Variants in SFMBT1 observed in about 807,000 individuals in gnomAD.
The protein encoded by SFMBT1 is scm-like with four MBT domains protein 1.
SFMBT1 carries 32 observed loss-of-function variants against 108.7 expected under a neutral mutation model. That is an observed-to-expected ratio of 0.29 (90% CI 0.22 to 0.40). The LOEUF is 0.40. Ranked by LOEUF, SFMBT1 falls within the 10% of genes least tolerant of loss-of-function variation. The probability of loss-of-function intolerance (pLI) is 1.00; values close to 1 mark genes in which losing one functional copy is unlikely to be tolerated. For synonymous variants in SFMBT1, 348 were observed against 369.5 expected (o/e 0.94, Z 0.67); for missense variants, 816 against 1,059.6 (o/e 0.77, Z 3.19).
intron 1 of SFMBT1, among the ~76,000 whole-genome samples, chr3:52,997,060 C>T (rs1389551859): frequency 6.9e-6 from 1 of 144,988 alleles, no homozygotes; most frequent in Non-Finnish European, 1.5e-5. Flanking sequence ...CTGAGCGAGA[C>T]TCAGTCTCAA....
chr3:53,002,819 T>C (rs28567057), intron 1 of SFMBT1, among the ~76,000 whole-genome samples: 5,068 of 150,476 alleles, frequency 0.034, 351 homozygotes, highest in African/African-American at 0.11. Flanking sequence ...TGAGAAAATA[T>C]AATGTAAGTT....
At chr3:52,916,289 A>T in intron 13 of SFMBT1, 75 bp from the exon 14 acceptor site, 3 of 1,389,032 alleles carry the variant, frequency 2.2e-6, no homozygotes, top group Non-Finnish European at 1.0e-6. Flanking sequence ...GTTTCCTTCA[A>T]ATCTAAGAAG....
rs146141845 is a variant in SFMBT1 at position 52,956,242 on chromosome 3, A to G, written c.29-1831T>C. 2.9e-3 allele frequency among the ~76,000 whole-genome samples: 449 copies of G among 152,326 alleles called. 1 individual carries two copies. The highest frequency in any genetic ancestry group is 0.01 in the African/African-American group (432 of 41,580). On this transcript the variant is annotated intron_variant, in intron 2 of 20. Transcript: ENST00000394752. The stretch of plus-strand genomic sequence containing the variant: ...TGTGGGAGACCGCGGCAGGCAGATC[A>G]CGAGGTCAAGAGATGGAGACCATCC...
At chr3:53,017,338 C>T (rs1302853104) in intron 1 of SFMBT1, among the ~76,000 whole-genome samples, 1 of 152,154 alleles carries the variant, frequency 6.6e-6, no homozygotes, top group Non-Finnish European at 1.5e-5. Context: ...CTCTCCAGGT[C>T]CACTAGTATA....
At chr3:52,920,447 C>G (rs952825092) in intron 12 of SFMBT1, 90 bp downstream of exon 12, 1 of 880,138 alleles carries the variant, frequency 1.1e-6, no homozygotes, top group African/African-American at 1.7e-5. Flanking sequence ...CATTTTTTTT[C>G]TCTGAAATGT....
Position 52,996,167 on chromosome 3 carries a change from T to C in SFMBT1, c.-130-26909A>G, listed in dbSNP as rs907084915. Among the ~76,000 whole-genome samples the C allele has an allele frequency of 1.4e-5, 2 of 147,792 alleles. 1 individual carries two copies. The highest frequency in any genetic ancestry group is 4.0e-4 in the East Asian group (2 of 5,062). On this transcript the variant is annotated intron_variant, in intron 1 of 20. Coordinates refer to ENST00000394752, the MANE Select transcript of SFMBT1 (RefSeq NM_016329.4). ...ATTTTTTTGCAAAACATATACCTAA[T>C]ATGGATTTATATCAAAAAGCTCTTA...
Position 52,911,040 on chromosome 3 carries a change from A to G in SFMBT1, c.1869T>C (p.Cys623=), listed in dbSNP as rs767441799. ...TTGTAAGTACAGAACAGTTCTCAGA[A>G]CACTTATCCAGAACCATCCGTGGAC... The part of the protein sequence containing the change: ...LFGPRMVLDK[C]SENCSVLTKT... The change falls in exon 17 of 21, where the codon TGT becomes TGC. Residue 623 remains cysteine, a synonymous_variant. Coordinates refer to ENST00000394752, the MANE Select transcript of SFMBT1 (RefSeq NM_016329.4). 6.2e-7 allele frequency: 1 copy of G among 1,614,188 alleles called. No individual in the cohort carries two copies. The highest frequency in any genetic ancestry group is 8.5e-7 in the Non-Finnish European group (1 of 1,180,020).
At chr3:52,918,402 A>C in intron 13 of SFMBT1, 82 bp downstream of exon 13, 1 of 1,117,910 alleles carries the variant, frequency 8.9e-7, no homozygotes, top group Middle Eastern at 2.5e-4. Flanking sequence ...CCATCTGAGA[A>C]AATGAGGAAA....
chr3:52,999,365 G>A (rs913716626), intron 1 of SFMBT1, among the ~76,000 whole-genome samples: 3 of 150,444 alleles, frequency 2.0e-5, no homozygotes, highest in Middle Eastern at 3.2e-3. Context: ...CCAGGCCTGC[G>A]GGGAGGAGCC....
chr3:52,982,630 A>G (rs1329270164), intron 1 of SFMBT1, among the ~76,000 whole-genome samples: 10 of 149,824 alleles, frequency 6.7e-5, no homozygotes, highest in African/African-American at 2.4e-4. Context: ...TCAGGAGGCT[A>G]AGGCAGGAGA....
At chr3:53,024,232 G>A (rs1366999887) in intron 1 of SFMBT1, among the ~76,000 whole-genome samples, 1 of 152,178 alleles carries the variant, frequency 6.6e-6, no homozygotes, top group Non-Finnish European at 1.5e-5. Flanking sequence ...TCCAAGTCTG[G>A]AGGTGGGTGG....
At chr3:53,024,813 A>C (rs1407427141) in intron 1 of SFMBT1, among the ~76,000 whole-genome samples, 1 of 152,232 alleles carries the variant, frequency 6.6e-6, no homozygotes, top group African/African-American at 2.4e-5. Context: ...ACCAGGTGTA[A>C]GAATATAACG....
chr3:52,955,977 T>G (rs1463392822), intron 2 of SFMBT1, among the ~76,000 whole-genome samples: 1 of 152,202 alleles, frequency 6.6e-6, no homozygotes, highest in Non-Finnish European at 1.5e-5. Context: ...GCAAACAGAA[T>G]GCAGAAGCAC....
At chr3:52,920,794 A>C (rs1702501427) in intron 11 of SFMBT1, 144 bp from the exon 12 acceptor site, 2 of 590,922 alleles carry the variant, frequency 3.4e-6, no homozygotes, top group Non-Finnish European at 5.9e-6. Flanking sequence ...GAAGTCATAC[A>C]TTTTCATGTA....
chr3:52,988,881 G>A (rs935979283), intron 1 of SFMBT1, among the ~76,000 whole-genome samples: 11 of 152,288 alleles, frequency 7.2e-5, no homozygotes, highest in Admixed American at 1.3e-4. Context: ...TTTCCAAAGC[G>A]CAGCAGGACA....
chr3:53,016,645 T>C (rs1699135635), intron 1 of SFMBT1, among the ~76,000 whole-genome samples: 1 of 152,252 alleles, frequency 6.6e-6, no homozygotes, highest in South Asian at 2.1e-4. Context: ...ATTTTCCTAC[T>C]GGGCTGTCTT....
intron 1 of SFMBT1, among the ~76,000 whole-genome samples, chr3:53,006,433 A>G (rs1291636595): frequency 6.6e-6 from 1 of 152,164 alleles, no homozygotes; most frequent in East Asian, 1.9e-4. Context: ...GCTCAAGACC[A>G]GCCTGACCAT....
intron 4 of SFMBT1, among the ~76,000 whole-genome samples, chr3:52,939,516 G>A (rs532089312): frequency 4.6e-5 from 7 of 152,320 alleles, no homozygotes; most frequent in African/African-American, 1.7e-4. Context: ...AGAGGTTGTA[G>A]TGGGCCGAGA....
In SFMBT1 at chr3:52,954,311, G is replaced by T; in HGVS notation, c.123+6C>A. The T allele has an allele frequency of 6.3e-7, 1 of 1,598,554 alleles. No individual in the cohort carries two copies. Among genetic ancestry groups the T allele is most frequent in the Non-Finnish European group, 8.6e-7 (1 of 1,167,500 alleles). On this transcript the variant is annotated splice_donor_region_variant and intron_variant, in intron 3 of 20. Coordinates refer to ENST00000394752, the MANE Select transcript of SFMBT1 (RefSeq NM_016329.4). Reference sequence around the variant, plus strand: ...CACCAGTAAGGCAAATATAGTTATTGCTTACATGTTTAAAAGACCCATAGG... The same window carrying T: ...CACCAGTAAGGCAAATATAGTTATTTCTTACATGTTTAAAAGACCCATAGG...
Sources: gnomAD v4.1 joint callset for allele counts (sites outside exome capture counted in the v4.1 genomes callset) on GRCh38, gnomAD v4.1.1 for gene constraint, MANE v1.5 for transcripts, NCBI Gene and HGNC (gene_info 2026-07-23, HGNC 2026-07-21) for gene names.